RGS18: variants seen among roughly 807,000 people sequenced by gnomAD.
RGS18 encodes regulator of G protein signaling 18.
A neutral mutation model predicts 27.6 loss-of-function variants in RGS18; 22 were observed. The observed-to-expected ratio is 0.80, with a 90% CI of 0.57 to 1.14. The LOEUF (loss-of-function observed/expected upper bound fraction) is 1.14. Among genes scored for constraint, RGS18 ranks in the 50% most tolerant of loss-of-function variants. The probability of loss-of-function intolerance (pLI) is 0.00; values close to 1 mark genes in which losing one functional copy is unlikely to be tolerated. For missense variants in RGS18, 299 were observed against 269.6 expected (o/e 1.11, Z -0.76); for synonymous variants, 89 against 84.6 (o/e 1.05, Z -0.29).
At chr1:192,170,081 A>C (rs928374897) in intron 3 of RGS18, among the ~76,000 whole-genome samples, 2 of 152,212 alleles carry the variant, frequency 1.3e-5, no homozygotes, top group Non-Finnish European at 2.9e-5. Flanking sequence ...CTAACTGCCG[A>C]AAGTTTAGTT....
At chr1:192,181,238 A>C (rs1340447159) in intron 3 of RGS18, 54 bp from the exon 4 acceptor site, 2 of 1,008,390 alleles carry the variant, frequency 2.0e-6, no homozygotes, top group African/African-American at 3.4e-5. Context: ...TCAATCAGTA[A>C]ATGTTTCCAA....
intron 3 of RGS18, chr1:192,163,512 C>T (rs139310499): frequency 1.3e-5 from 2 of 152,112 alleles, no homozygotes; most frequent in African/African-American, 2.4e-5. Flanking sequence ...AGGACAAAAT[C>T]GAATTTGCTA....
chr1:192,173,288 C>A (rs561279254), intron 3 of RGS18, among the ~76,000 whole-genome samples: 1 of 151,874 alleles, frequency 6.6e-6, no homozygotes, highest in Non-Finnish European at 1.5e-5. Context: ...AATATTTGCA[C>A]CTTCTTTATA....
In RGS18 at chr1:192,158,549, A is replaced by C; in HGVS notation, c.-89A>C. Reference sequence around the variant, plus strand: ...ACTGTAAGAGTTGTGATAACTTTTTATTCTACTATGTATATGTATGGAATA... The same window carrying C: ...ACTGTAAGAGTTGTGATAACTTTTTCTTCTACTATGTATATGTATGGAATA... On this transcript the variant is annotated 5_prime_UTR_variant, in exon 1 of 5. Coordinates refer to ENST00000367460, the MANE Select transcript of RGS18 (RefSeq NM_130782.3). 1 of 1,136,868 alleles carries C rather than the reference A, an allele frequency of 8.8e-7. No individual in the cohort carries two copies. The highest frequency in any genetic ancestry group is 1.2e-6 in the Non-Finnish European group (1 of 860,726). The allele number at this position is 1,136,868 out of a possible 1,614,324, so 70.4% of individuals were successfully genotyped here.
At chr1:192,173,374 C>G (rs986897323) in intron 3 of RGS18, among the ~76,000 whole-genome samples, 1 of 151,652 alleles carries the variant, frequency 6.6e-6, no homozygotes, top group Non-Finnish European at 1.5e-5. Flanking sequence ...GTGTAATTTT[C>G]TTCACTTCCT....
At chr1:192,172,835 G>A (rs527628670) in intron 3 of RGS18, among the ~76,000 whole-genome samples, 130 of 139,588 alleles carry the variant, frequency 9.3e-4, no homozygotes, top group South Asian at 3.0e-3. Flanking sequence ...GCCTACCAAA[G>A]GAAACAATGC....
intron 3 of RGS18, among the ~76,000 whole-genome samples, chr1:192,165,577 C>G (rs1436083291): frequency 3.9e-5 from 6 of 152,188 alleles, no homozygotes; most frequent in Admixed American, 2.0e-4. Flanking sequence ...AAATTTCTCT[C>G]TTTTGTGCTC....
rs1553229391 is a variant in RGS18 at position 192,172,886 on chromosome 1, T to TATATAA, written c.284-8401_284-8400insAATATA. Reference sequence around the variant, plus strand: ...ATGCATATATATATATATATATAAATATATATATATACACATATGTATAAA... The same window carrying TATATAA: ...ATGCATATATATATATATATATAAATATATAAATATATATATACACATATGTATAAA... On this transcript the variant is annotated intron_variant, in intron 3 of 4. Transcript: ENST00000367460. Among the ~76,000 whole-genome samples the TATATAA allele has an allele frequency of 9.7e-3, 1,391 of 144,004 alleles. 27 individuals are homozygous for TATATAA. Among genetic ancestry groups the TATATAA allele is most frequent in the African/African-American group, 0.033 (1,302 of 39,122 alleles). 94.5% of individuals were successfully genotyped at this position (144,004 alleles called of 152,430 possible). A position where few individuals can be genotyped will look rare whatever the true frequency, so the allele number is the denominator to read the frequency against.
In RGS18 at chr1:192,159,254, G is replaced by C. The variant is rs770134901; in HGVS notation, c.154G>C (p.Val52Leu). Reference protein sequence around the residue: ...KEKRNRLSLLVQKPEFHEDTR... With the variant: ...KEKRNRLSLLLQKPEFHEDTR... ...AAAAAGAAATAGACTAAGTCTTCTT[G>C]TGCAGAAACCTGAGTTTCATGAAGA... Residue 52 changes from valine to leucine, a missense_variant, in exon 2 of 5, where the codon GTG (valine) becomes CTG (leucine). By Grantham distance (32) the Val-to-Leu change is conservative. Transcript: ENST00000367460. The C allele has an allele frequency of 1.2e-6, 2 of 1,613,602 alleles. No homozygotes were observed. Among genetic ancestry groups the C allele is most frequent in the Non-Finnish European group, 8.5e-7 (1 of 1,179,690 alleles).
chr1:192,161,462 C>T (rs1017842471), intron 3 of RGS18: 1 of 152,180 alleles, frequency 6.6e-6, no homozygotes, highest in Non-Finnish European at 1.5e-5. Context: ...GATAGAAAGA[C>T]TCAACTGAGC....
At chr1:192,179,569 C>A (rs1656414992) in intron 3 of RGS18, among the ~76,000 whole-genome samples, 1 of 151,390 alleles carries the variant, frequency 6.6e-6, no homozygotes, top group Non-Finnish European at 1.5e-5. Flanking sequence ...CCTTCAATGG[C>A]AGAATGGTTA....
chr1:192,184,451 TGGAA>T lies in RGS18; in HGVS notation c.611_614del (p.Gly204AspfsTer35), dbSNP rs763071153. ...AAATCTGACATCTATTTAGACTTGA[TGGAA>T]GGAAGACCTCAGAGACCAACAAATC... is the stretch of plus-strand genomic sequence containing the variant. On this transcript the variant is annotated frameshift_variant, in exon 5 of 5. Coordinates refer to ENST00000367460, the MANE Select transcript of RGS18 (RefSeq NM_130782.3). LOFTEE classifies it high-confidence loss of function. 6.2e-7 allele frequency: 1 copy of T among 1,611,814 alleles called. No individual in the cohort carries two copies. The highest frequency in any genetic ancestry group is 8.5e-7 in the Non-Finnish European group (1 of 1,178,586).
At position 192,159,333 on chromosome 1, in the gene RGS18, T is replaced by C; in HGVS notation, c.221+12T>C. 1 of 1,577,532 alleles carries C rather than the reference T, an allele frequency of 6.3e-7. No homozygotes were observed. The highest frequency in any genetic ancestry group is 8.7e-7 in the Non-Finnish European group (1 of 1,147,834). ...GCCAAAGAAACAAGGTGAATAAATT[T>C]TCAGTATTTTGAGGAAGATTTTGCT... On this transcript the variant is annotated intron_variant, in intron 2 of 4. Coordinates refer to ENST00000367460, the MANE Select transcript of RGS18 (RefSeq NM_130782.3).
In RGS18 at chr1:192,160,377, G is replaced by A; in HGVS notation, c.222-1G>A. The A allele has an allele frequency of 1.2e-6, 2 of 1,608,268 alleles. No individual in the cohort carries two copies. The highest frequency in any genetic ancestry group is 2.2e-5 in the South Asian group (2 of 90,838). Reference sequence around the variant, plus strand: ...TATAAAACATTTTGTTTCTTGTACAGAGTCTCCCCTGAAGAGGCAGTGAAA... The same window carrying A: ...TATAAAACATTTTGTTTCTTGTACAAAGTCTCCCCTGAAGAGGCAGTGAAA... On this transcript the variant is annotated splice_acceptor_variant, in intron 2 of 4. Transcript: ENST00000367460. LOFTEE classifies it high-confidence loss of function.
At chr1:192,179,321 A>G (rs1656409487) in intron 3 of RGS18, among the ~76,000 whole-genome samples, 1 of 151,600 alleles carries the variant, frequency 6.6e-6, no homozygotes, top group Non-Finnish European at 1.5e-5. Context: ...GCTAAAACTC[A>G]TTTAAATCCA....
At chr1:192,177,142 A>C (rs558893073) in intron 3 of RGS18, among the ~76,000 whole-genome samples, 70 of 151,986 alleles carry the variant, frequency 4.6e-4, no homozygotes, top group African/African-American at 1.6e-3. Flanking sequence ...GCCAAGCATG[A>C]AACTAGAATA....
rs1656512179 is a variant in RGS18, at chr1:192,184,528, C to A, written c.682C>A (p.Gln228Lys). ...SFTCNEFQDV[Q>K]SDVAIWL is the part of the protein sequence containing the mutation. ...TACCTGCAATGAATTCCAAGATGTA[C>A]AATCAGATGTTGCCATTTGGTTATA... is the stretch of plus-strand genomic sequence containing the variant. The change falls in exon 5 of 5, where the codon CAA (glutamine) becomes AAA (lysine). Residue 228 changes from glutamine (Q) to lysine (K), a missense_variant. Transcript: ENST00000367460. The A allele has an allele frequency of 1.2e-6, 2 of 1,611,234 alleles. No individual in the cohort carries two copies. The highest frequency in any genetic ancestry group is 8.5e-7 in the Non-Finnish European group (1 of 1,178,244).
At chr1:192,161,203 TC>T (rs1244263198) in intron 3 of RGS18, among the ~76,000 whole-genome samples, 1 of 152,174 alleles carries the variant, frequency 6.6e-6, no homozygotes, top group Non-Finnish European at 1.5e-5. Context: ...GTACTTCATA[TC>T]AATTGTCTAT....
intron 2 of RGS18, among the ~76,000 whole-genome samples, chr1:192,160,159 A>T (rs960481882): frequency 6.6e-6 from 1 of 152,160 alleles, no homozygotes; most frequent in African/African-American, 2.4e-5. Context: ...GAGAAAAAAA[A>T]TAATGTTATT....
Sources: allele counts gnomAD v4.1 joint callset (sites outside exome capture counted in the v4.1 genomes callset), GRCh38; gene constraint gnomAD v4.1.1; transcripts MANE v1.5; gene names NCBI Gene and HGNC (gene_info 2026-07-23, HGNC 2026-07-21).